E2F1: variants seen among roughly 807,000 people sequenced by gnomAD.
E2F1 encodes transcription factor E2F1.
In E2F1, 7 loss-of-function variants were observed where a neutral mutation model predicts 36.9. The ratio of observed to expected loss-of-function variants is 0.19; its 90% CI spans 0.11 to 0.36. The LOEUF (loss-of-function observed/expected upper bound fraction) is 0.36, where lower values mean the gene tolerates loss of function less well. E2F1 is among the 10% of genes least tolerant of loss of function. The pLI is 1.00. For missense variants in E2F1, 406 were observed against 573.6 expected (o/e 0.71, Z 2.99); for synonymous variants, 261 against 263.1 (o/e 0.99, Z 0.08).
Position 33,676,088 on chromosome 20 carries a change from A to G in E2F1, c.*644T>C, listed in dbSNP as rs1451739383. 1 of 152,712 alleles carries G rather than the reference A, an allele frequency of 6.5e-6. No homozygotes were observed. The highest frequency in any genetic ancestry group is 1.5e-5 in the Non-Finnish European group (1 of 68,152). 9.5% of individuals were successfully genotyped at this position (152,712 alleles called of 1,614,324 possible). A position where few individuals can be genotyped will look rare whatever the true frequency, so the allele number is the denominator to read the frequency against. ...GGGACCCCTGCCCTTGCTCAAGGGT[A>G]GAGGGAGTTGGGGTATCAACCCCAC... On this transcript the variant is annotated 3_prime_UTR_variant, in exon 7 of 7. Transcript: ENST00000343380.
chr20:33,684,765 G>A (rs1212771674), intron 1 of E2F1, among the ~76,000 whole-genome samples: 2 of 152,122 alleles, frequency 1.3e-5, no homozygotes, highest in South Asian at 4.1e-4. Context: ...AAGGGGGTTG[G>A]GGGAGCCTCC....
In E2F1 at chr20:33,679,962, G is replaced by T. The variant is rs200324089; in HGVS notation, c.365C>A (p.Pro122Gln). 1.9e-6 allele frequency: 3 copies of T among 1,613,576 alleles called. No individual in the cohort carries two copies. The highest frequency in any genetic ancestry group is 4.5e-5 in the East Asian group (2 of 44,856). The change falls in exon 3 of 7, where the codon CCG (proline) becomes CAG (glutamine). Residue 122 changes from proline to glutamine, a missense_variant. By Grantham distance (76) the Pro-to-Gln change is moderately conservative (BLOSUM62 -1). This residue lies in a region of E2F1 where 77 missense variants were observed against 131.7 expected (regional missense o/e 0.58). Transcript: ENST00000343380. This position sits in a 1 kb window ranked among gnomAD's most constrained non-coding sequence, Gnocchi z 4.6. ...GRHPGKGVKS[P>Q]GEKSRYETSL... ...GGTCTCATAGCGTGACTTCTCCCCC[G>T]GGGATTTCACACCTGTGGGGGTGTG...
At chr20:33,684,864 C>T (rs528496778) in intron 1 of E2F1, among the ~76,000 whole-genome samples, 1 of 152,238 alleles carries the variant, frequency 6.6e-6, no homozygotes, top group East Asian at 1.9e-4. Context: ...TGCCTCACCC[C>T]TCCCACTTGC....
intron 1 of E2F1, among the ~76,000 whole-genome samples, chr20:33,683,584 G>T (rs962561489): frequency 6.6e-6 from 1 of 151,050 alleles, no homozygotes; most frequent in Non-Finnish European, 1.5e-5. Flanking sequence ...ACCAGCCTGG[G>T]CAACATGGCA....
At chr20:33,677,911 C>T (rs769387854) in intron 4 of E2F1, among the ~76,000 whole-genome samples, 1 of 152,242 alleles carries the variant, frequency 6.6e-6, no homozygotes, top group Non-Finnish European at 1.5e-5. Context: ...CCTCCCACCT[C>T]AGCCTCTTGA....
In E2F1 at chr20:33,677,167, G is replaced by A. The variant is rs1227306281; in HGVS notation, c.1004C>T (p.Pro335Leu). ...TDSATIVSPPPSSPPSSLTTD... is the reference protein window; with the variant it reads ...TDSATIVSPPLSSPPSSLTTD... ...GGTGAGGGATGAGGGGGGAGATGAT[G>A]GTGGTGGTGACACTATGGTGGCAGA... Residue 335 changes from proline to leucine, a missense_variant, in exon 6 of 7, where the codon CCA becomes CTA. Physicochemically the swap from Pro to Leu is moderately conservative, Grantham distance 98. This residue lies in a region of E2F1 where 163 missense variants were observed against 181.5 expected (regional missense o/e 0.90). Coordinates refer to ENST00000343380, the MANE Select transcript of E2F1 (RefSeq NM_005225.3). 1 of 1,613,946 alleles carries A rather than the reference G, an allele frequency of 6.2e-7. No homozygotes were observed. Among genetic ancestry groups the A allele is most frequent in the South Asian group, 1.1e-5 (1 of 91,046 alleles).
Position 33,686,118 on chromosome 20 carries a change from G to A in E2F1, c.147C>T (p.Thr49=). The change falls in exon 1 of 7, where the codon ACC becomes ACT. Residue 49 remains threonine (T), a synonymous_variant. Coordinates refer to ENST00000343380, the MANE Select transcript of E2F1 (RefSeq NM_005225.3). ...GGCCGGCGGCGGGCGCCGCGGGGCC[G>A]GTGGGAGCCGGCGGGGCGCTGGCGT... The part of the protein sequence containing the change: ...AQDASAPPAP[T]GPAAPAAGPC... 1 of 1,067,106 alleles carries A rather than the reference G, an allele frequency of 9.4e-7. No homozygotes were observed. The highest frequency in any genetic ancestry group is 1.7e-5 in the African/African-American group (1 of 58,684). 66.1% of individuals were successfully genotyped at this position (1,067,106 alleles called of 1,614,324 possible).
rs1042585900 is a variant in E2F1, at chr20:33,679,121, G to C, written c.572+634C>G. On this transcript the variant is annotated intron_variant, in intron 3 of 6. Transcript: ENST00000343380. This position sits in a 1 kb window ranked among gnomAD's most constrained non-coding sequence, Gnocchi z 4.6. Reference sequence around the variant, plus strand: ...CAGACAGATCTCACCGAGGGCATGAGAAGCCAGGATAGTGGTGACCTGGCG... The same window carrying C: ...CAGACAGATCTCACCGAGGGCATGACAAGCCAGGATAGTGGTGACCTGGCG... Among the ~76,000 whole-genome samples, 1 of 152,272 alleles carries C rather than the reference G, an allele frequency of 6.6e-6. No homozygotes were observed. Among genetic ancestry groups the C allele is most frequent in the African/African-American group, 2.4e-5 (1 of 41,466 alleles).
chr20:33,677,759 C>T (rs745393032), intron 4 of E2F1, among the ~76,000 whole-genome samples: 11 of 152,144 alleles, frequency 7.2e-5, no homozygotes, highest in Non-Finnish European at 1.2e-4. Context: ...GGGAACGATT[C>T]CATGTAAAAT....
chr20:33,680,181 GC>G, intron 2 of E2F1, 144 bp downstream of exon 2: 1 of 954,794 alleles, frequency 1.0e-6, no homozygotes, highest in Non-Finnish European at 1.6e-6. Context: ...AAGCCAGGTG[GC>G]CACTCCAACT....
chr20:33,678,648 G>A (rs1213971145), intron 3 of E2F1, among the ~76,000 whole-genome samples: 1 of 151,162 alleles, frequency 6.6e-6, no homozygotes, highest in Non-Finnish European at 1.5e-5. Flanking sequence ...TCCAAGACAT[G>A]CTGTCAAATG....
chr20:33,679,653 G>A lies in E2F1; in HGVS notation c.572+102C>T. ...TCTCCTCTCTGAGCCCGTTTCCCCAGCTATAAGATGGGGATGCAGGCAGCC... is the reference window on the plus strand; with the variant it reads ...TCTCCTCTCTGAGCCCGTTTCCCCAACTATAAGATGGGGATGCAGGCAGCC... On this transcript the variant is annotated intron_variant, in intron 3 of 6. Transcript: ENST00000343380. This position sits in a 1 kb window ranked among gnomAD's most constrained non-coding sequence, Gnocchi z 4.6. 9 of 1,078,020 alleles carry A rather than the reference G, an allele frequency of 8.3e-6. No individual in the cohort carries two copies. The South Asian group carries it at 1.2e-4, about 14-fold the overall frequency. The allele number at this position is 1,078,020 out of a possible 1,614,324, so 66.8% of individuals were successfully genotyped here.
At chr20:33,681,271 T>C (rs562563655) in intron 1 of E2F1, among the ~76,000 whole-genome samples, 1 of 152,202 alleles carries the variant, frequency 6.6e-6, no homozygotes, top group Admixed American at 6.5e-5. Flanking sequence ...ACTCCTAGGC[T>C]CAAGCAATTC....
rs771273717 is a variant in E2F1 at position 33,678,240 on chromosome 20, G to A, written c.686C>T (p.Thr229Met). The change falls in exon 4 of 7, where the codon ACG becomes ATG. Residue 229 changes from threonine (T) to methionine (M), a missense_variant. Coordinates refer to ENST00000343380, the MANE Select transcript of E2F1 (RefSeq NM_005225.3). ...QLDHLMNICT[T>M]QLRLLSEDTD... Reference sequence around the variant, plus strand: ...GTCCTCGGAGAGCAGGCGCAGCTGCGTAGTACAGATATTCATCAGGTGGTC... The same window carrying A: ...GTCCTCGGAGAGCAGGCGCAGCTGCATAGTACAGATATTCATCAGGTGGTC... 1.9e-5 allele frequency: 30 copies of A among 1,613,816 alleles called. No individual in the cohort carries two copies. Among genetic ancestry groups the A allele is most frequent in the African/African-American group, 5.3e-5 (4 of 74,946 alleles).
At position 33,677,170 on chromosome 20, in the gene E2F1, G is replaced by T. The variant is rs750641087; in HGVS notation, c.1001C>A (p.Pro334Gln). The change falls in exon 6 of 7, where the codon CCA becomes CAA. Residue 334 changes from proline (P) to glutamine (Q), a missense_variant. Physicochemically the swap from Pro to Gln is moderately conservative, Grantham distance 76 (BLOSUM62 -1). Transcript: ENST00000343380. The stretch of plus-strand genomic sequence containing the variant: ...GAGGGATGAGGGGGGAGATGATGGT[G>T]GTGGTGACACTATGGTGGCAGAGTC... ...ATDSATIVSP[P>Q]PSSPPSSLTT... 24 of 1,614,038 alleles carry T rather than the reference G, an allele frequency of 1.5e-5. No individual in the cohort carries two copies. Among genetic ancestry groups the T allele is most frequent in the Non-Finnish European group, 1.9e-5 (23 of 1,180,014 alleles).
At chr20:33,683,131 T>G (rs2018032403) in intron 1 of E2F1, among the ~76,000 whole-genome samples, 1 of 152,188 alleles carries the variant, frequency 6.6e-6, no homozygotes, top group Non-Finnish European at 1.5e-5. Context: ...GCTGGGATCC[T>G]GCCGTCAACT....
intron 1 of E2F1, among the ~76,000 whole-genome samples, chr20:33,683,103 A>AG: frequency 6.6e-6 from 1 of 152,188 alleles, no homozygotes; most frequent in South Asian, 2.1e-4. Context: ...AGGGAAAAAA[A>AG]GGAAAAAAAT....
rs574523664 is a variant in E2F1, at chr20:33,686,231, A to G, written c.34T>C (p.Cys12Arg). The G allele has an allele frequency of 1.6e-5, 16 of 1,017,918 alleles. No individual in the cohort carries two copies. The African/African-American group carries it at 2.6e-4, about 17-fold the overall frequency. 63.1% of individuals were successfully genotyped at this position (1,017,918 alleles called of 1,614,324 possible). ...AGCAGGGCCTCCAGCGCCGGCGCGC[A>G]TGGGCCGCCCGCAGGGGCCCCGGCC... ...ALAGAPAGGP[C>R]APALEALLGA... Residue 12 changes from cysteine (C) to arginine (R), a missense_variant, in exon 1 of 7, where the codon TGC becomes CGC. Transcript: ENST00000343380.
In E2F1 at chr20:33,686,232, T is replaced by G. The variant is rs2018068583; in HGVS notation, c.33A>C (p.Pro11=). Residue 11 remains proline (P), a synonymous_variant, in exon 1 of 7, where the codon CCA becomes CCC. Coordinates refer to ENST00000343380, the MANE Select transcript of E2F1 (RefSeq NM_005225.3). ...GCAGGGCCTCCAGCGCCGGCGCGCA[T>G]GGGCCGCCCGCAGGGGCCCCGGCCA... is the stretch of plus-strand genomic sequence containing the variant. The part of the protein sequence containing the change: MALAGAPAGG[P]CAPALEALLG... The G allele has an allele frequency of 5.9e-6, 6 of 1,015,628 alleles. No individual in the cohort carries two copies. Among genetic ancestry groups the G allele is most frequent in the Non-Finnish European group, 7.0e-6 (6 of 852,758 alleles). 62.9% of individuals were successfully genotyped at this position (1,015,628 alleles called of 1,614,324 possible).
Sources: allele counts gnomAD v4.1 joint callset (sites outside exome capture counted in the v4.1 genomes callset), GRCh38; gene constraint gnomAD v4.1.1; regional missense constraint gnomAD v4.1.1; non-coding constraint Gnocchi (gnomAD v3.1); transcripts MANE v1.5; gene names NCBI Gene and HGNC (gene_info 2026-07-23, HGNC 2026-07-21).